Variants in OR1L8 observed in about 807,000 individuals in gnomAD.
OR1L8 encodes olfactory receptor 1L8.
For missense variants in OR1L8, 330 were observed against 377.4 expected (o/e 0.87, Z 1.04); for synonymous variants, 148 against 147.0 (o/e 1.01, Z -0.05).
Position 122,567,286 on chromosome 9 carries a change from A to G in OR1L8, c.*262T>C, listed in dbSNP as rs2118708892. The stretch of plus-strand genomic sequence containing the variant: ...ATATTCATGGGGAAAGGATTAGATT[A>G]AAGCAGTTTTTGGAAAATGAGAAAG... On this transcript the variant is annotated 3_prime_UTR_variant, in exon 5 of 5. Coordinates refer to ENST00000641027, the MANE Select transcript of OR1L8 (RefSeq NM_001004454.2). The G allele has an allele frequency of 2.9e-6, 1 of 343,806 alleles. No homozygotes were observed. 21.3% of individuals were successfully genotyped at this position (343,806 alleles called of 1,614,324 possible).
the OR1L8 span, among the ~76,000 whole-genome samples, chr9:122,547,199 G>A: frequency 2.0e-5 from 3 of 151,978 alleles, no homozygotes; most frequent in Non-Finnish European, 2.9e-5. Flanking sequence ...ACTTTACTTT[G>A]TTTTATTGTC....
the OR1L8 span, among the ~76,000 whole-genome samples, chr9:122,546,458 C>T: frequency 2.6e-5 from 4 of 152,158 alleles, no homozygotes; most frequent in African/African-American, 4.8e-5. Context: ...TTTGCTCGCA[C>T]GGTGCTTGCT....
Position 122,568,217 on chromosome 9 carries a change from C to T in OR1L8, c.261G>A (p.Leu87=). Residue 87 remains leucine, a synonymous_variant, in exon 5 of 5, where the codon CTG becomes CTA. Transcript: ENST00000641027. ...CATAGGAGATGGTCTTCTTTTCTGA[C>T]AGGAAGTTCATCAGCATCTTGGGGA... ...SVVPKMLMNF[L]SEKKTISYAG... The T allele has an allele frequency of 1.2e-6, 2 of 1,614,142 alleles. No individual in the cohort carries two copies. Among genetic ancestry groups the T allele is most frequent in the Non-Finnish European group, 1.7e-6 (2 of 1,180,008 alleles).
At chr9:122,574,921 T>C (rs1432093112) in intron 3 of OR1L8, among the ~76,000 whole-genome samples, 1 of 152,102 alleles carries the variant, frequency 6.6e-6, no homozygotes, top group Non-Finnish European at 1.5e-5. Flanking sequence ...GTGTTGGAGT[T>C]TGTCAAATGA....
the OR1L8 span, among the ~76,000 whole-genome samples, chr9:122,550,200 A>G: frequency 2.6e-5 from 4 of 152,296 alleles, no homozygotes; most frequent in East Asian, 1.9e-4. Context: ...AGATTGTGCC[A>G]GGAACAAGTA....
the OR1L8 span, among the ~76,000 whole-genome samples, chr9:122,552,703 C>T: frequency 1.3e-5 from 2 of 149,734 alleles, no homozygotes; most frequent in Admixed American, 1.3e-4. Flanking sequence ...GGGGAGGAAG[C>T]TATCTTGTCT....
chr9:122,575,774 TATTTAACAAAA>T (rs1254292879), intron 3 of OR1L8, among the ~76,000 whole-genome samples: 2 of 152,206 alleles, frequency 1.3e-5, no homozygotes, highest in African/African-American at 4.8e-5. Flanking sequence ...ACTAAAATCT[TATTTAACAAAA>T]ATCCCTAATA....
chr9:122,576,669 G>T (rs1371641739), intron 3 of OR1L8, 97 bp downstream of exon 3: 1 of 152,184 alleles, frequency 6.6e-6, no homozygotes, highest in Non-Finnish European at 1.5e-5. Flanking sequence ...CAGTGTGTGG[G>T]CCTTTCTATG....
chr9:122,554,973 A>G, the OR1L8 span, among the ~76,000 whole-genome samples: 2 of 152,088 alleles, frequency 1.3e-5, no homozygotes, highest in African/African-American at 4.8e-5. Flanking sequence ...ATTTGATGCA[A>G]AGCAATCTGG....
In OR1L8 at chr9:122,567,974, G is replaced by A. The variant is rs776582162; in HGVS notation, c.504C>T (p.Thr168=). 5.6e-6 allele frequency: 9 copies of A among 1,614,172 alleles called. No homozygotes were observed. The Admixed American group carries it at 1.0e-4, about 18-fold the overall frequency. ...GGTGGATAACATTGGAGTCACAGAA[G>A]GTGAGACGATTCAGCAGAAGTGTGT... is the stretch of plus-strand genomic sequence containing the variant. The part of the protein sequence containing the change: ...LLHTLLLNRL[T]FCDSNVIHHF... Residue 168 remains threonine, a synonymous_variant, in exon 5 of 5, where the codon ACC becomes ACT. Coordinates refer to ENST00000641027, the MANE Select transcript of OR1L8 (RefSeq NM_001004454.2).
intron 3 of OR1L8, among the ~76,000 whole-genome samples, chr9:122,574,914 T>G (rs1829623486): frequency 6.6e-6 from 1 of 152,100 alleles, no homozygotes; most frequent in Admixed American, 6.5e-5. Flanking sequence ...TAGATGGGTG[T>G]TGGAGTTTGT....
chr9:122,572,091 G>A (rs35967982), intron 4 of OR1L8, among the ~76,000 whole-genome samples: 36,403 of 151,912 alleles, frequency 0.24, 4,681 homozygotes, highest in African/African-American at 0.26. Flanking sequence ...GGGGGGAGGC[G>A]CTACACACTT....
At chr9:122,576,303 C>G (rs550869179) in intron 3 of OR1L8, among the ~76,000 whole-genome samples, 55 of 152,150 alleles carry the variant, frequency 3.6e-4, no homozygotes, top group Non-Finnish European at 6.3e-4. Context: ...CCCACTGCAA[C>G]CTCCGCCTCC....
chr9:122,554,751 AAT>A, the OR1L8 span, among the ~76,000 whole-genome samples: 214 of 152,300 alleles, frequency 1.4e-3, 1 homozygote, highest in African/African-American at 4.9e-3. Context: ...AAAAAGAATT[AAT>A]ATATGTTATG....
At chr9:122,575,761 G>A (rs34789581) in intron 3 of OR1L8, among the ~76,000 whole-genome samples, 13,322 of 152,172 alleles carry the variant, frequency 0.088, 675 homozygotes, top group Middle Eastern at 0.13. Flanking sequence ...TGTGATAACA[G>A]CAACTAAAAT....
At chr9:122,579,318 A>G (rs1439454354) in intron 1 of OR1L8, among the ~76,000 whole-genome samples, 1 of 152,118 alleles carries the variant, frequency 6.6e-6, no homozygotes, top group South Asian at 2.1e-4. Context: ...TTTAATTTGA[A>G]TACATTGTAA....
chr9:122,565,559 C>T (rs1403636975), downstream of OR1L8, among the ~76,000 whole-genome samples: 3 of 152,194 alleles, frequency 2.0e-5, no homozygotes, highest in East Asian at 1.9e-4. Flanking sequence ...CAGAGACCAA[C>T]GCTGAGCCCC....
intron 4 of OR1L8, among the ~76,000 whole-genome samples, chr9:122,570,551 G>T (rs544509923): frequency 4.3e-4 from 65 of 152,316 alleles, no homozygotes; most frequent in African/African-American, 1.5e-3. Flanking sequence ...ACATTGTCAT[G>T]AGGATTTAAT....
At position 122,572,788 on chromosome 9, in the gene OR1L8, C is replaced by T. The variant is rs921152221; in HGVS notation, c.-221G>A. The T allele has an allele frequency of 6.6e-6, 1 of 152,154 alleles. No homozygotes were observed. The highest frequency in any genetic ancestry group is 1.5e-5 in the Non-Finnish European group (1 of 68,034). The allele number at this position is 152,154 out of a possible 1,614,324, so 9.4% of individuals were successfully genotyped here. A position where few individuals can be genotyped will look rare whatever the true frequency, so the allele number is the denominator to read the frequency against. On this transcript the variant is annotated 5_prime_UTR_variant, in exon 4 of 5. An upstream open reading frame in the 5' UTR gains an earlier in-frame stop. Coordinates refer to ENST00000641027, the MANE Select transcript of OR1L8 (RefSeq NM_001004454.2). Reference sequence around the variant, plus strand: ...AGCTCACTGAAGCTCACCTCTGTATCCAGCGTTTTTCCTTTGCTTCCATGT... The same window carrying T: ...AGCTCACTGAAGCTCACCTCTGTATTCAGCGTTTTTCCTTTGCTTCCATGT...
Sources: allele counts gnomAD v4.1 joint callset (sites outside exome capture counted in the v4.1 genomes callset), GRCh38; gene constraint gnomAD v4.1.1; transcripts MANE v1.5; gene names NCBI Gene and HGNC (gene_info 2026-07-23, HGNC 2026-07-21).